The following ANKDD1A variants were observed in gnomAD, a reference collection of about 807,000 sequenced individuals.
ANKDD1A encodes the protein ankyrin repeat and death domain-containing protein 1A.
ANKDD1A carries 59 observed loss-of-function variants against 63.5 expected under a neutral mutation model. The observed-to-expected ratio is 0.93, with a 90% CI of 0.75 to 1.15. The LOEUF is 1.15. Among genes scored for constraint, ANKDD1A ranks in the 50% most tolerant of loss-of-function variants. The probability of loss-of-function intolerance (pLI) is 0.00; values close to 1 mark genes in which losing one functional copy is unlikely to be tolerated. For synonymous variants in ANKDD1A, 266 were observed against 263.9 expected, an observed-to-expected ratio of 1.01 and a Z score of -0.08; for missense variants, 632 against 656.4, an observed-to-expected ratio of 0.96 and a Z score of 0.41.
At chr15:64,940,512 A>G (rs2085174086) in intron 9 of ANKDD1A, among the ~76,000 whole-genome samples, 1 of 152,008 alleles carries the variant, frequency 6.6e-6, no homozygotes, top group African/African-American at 2.4e-5. Flanking sequence ...GGCTCACTGC[A>G]AGCTCCGCCT....
intron 9 of ANKDD1A, among the ~76,000 whole-genome samples, chr15:64,940,398 A>T (rs1041890928): frequency 1.0e-4 from 11 of 109,156 alleles, no homozygotes; most frequent in South Asian, 7.6e-4. Flanking sequence ...GATGATTGAT[A>T]GATAGATAGA....
At chr15:64,926,504 A>G (rs754985086) in intron 5 of ANKDD1A, among the ~76,000 whole-genome samples, 1 of 152,244 alleles carries the variant, frequency 6.6e-6, no homozygotes. Context: ...AGAGGGCACC[A>G]AATGGAAGAG....
intron 8 of ANKDD1A, 49 bp downstream of exon 8, chr15:64,931,634 T>C: frequency 6.3e-6 from 10 of 1,586,250 alleles, no homozygotes; most frequent in Non-Finnish European, 7.8e-6. Context: ...TGCTGAGCCA[T>C]AGCCATGTCG....
chr15:64,953,652 CCTT>C (rs144769793), intron 14 of ANKDD1A, among the ~76,000 whole-genome samples: 84 of 2,780 alleles, frequency 0.03, no homozygotes, highest in African/African-American at 0.045. Flanking sequence ...TCTTCCTTCT[CCTT>C]CTTTTCTTTC....
chr15:64,917,537 G>GTCTC (rs1567109428), intron 3 of ANKDD1A, 23 bp downstream of exon 3: 5 of 1,549,794 alleles, frequency 3.2e-6, no homozygotes, highest in Middle Eastern at 1.8e-4. Context: ...CTGTCTGTCT[G>GTCTC]TCTCAGGGTG....
rs2085426194 is a variant in ANKDD1A at position 64,957,321 on chromosome 15, A to G, written c.*133A>G. The stretch of plus-strand genomic sequence containing the variant: ...ATTATTCCTTTTTCCACCTTAAATA[A>G]TAAGAGTAGAATACTTTCTGTGTTT... On this transcript the variant is annotated 3_prime_UTR_variant, in exon 15 of 15. Transcript: ENST00000319580. 3.6e-6 allele frequency: 1 copy of G among 280,344 alleles called. No individual in the cohort carries two copies. Among genetic ancestry groups the G allele is most frequent in the South Asian group, 2.9e-5 (1 of 35,000 alleles). The allele number at this position is 280,344 out of a possible 1,614,324, so 17.4% of individuals were successfully genotyped here.
intron 1 of ANKDD1A, among the ~76,000 whole-genome samples, chr15:64,914,370 C>T (rs913616455): frequency 2.6e-5 from 4 of 152,212 alleles, no homozygotes; most frequent in African/African-American, 4.8e-5. Flanking sequence ...CATTGGCAGC[C>T]TCAAACTCCT....
Position 64,950,744 on chromosome 15 carries a change from C to T in ANKDD1A, c.1483+772C>T, listed in dbSNP as rs150763664. On this transcript the variant is annotated intron_variant, in intron 14 of 14. Coordinates refer to ENST00000319580, the MANE Select transcript of ANKDD1A (RefSeq NM_182703.6). ...AGAAAGGACCGCCCCCCCCCCCCCC[C>T]CCCCCCATAGCTGCTATAGGCAAGG... The T allele has an allele frequency of 4.0e-5, 37 of 921,560 alleles. 5 individuals are homozygous for T. Among genetic ancestry groups the T allele is most frequent in the Middle Eastern group, 5.6e-4 (1 of 1,798 alleles). The allele number at this position is 921,560 out of a possible 1,614,324, so 57.1% of individuals were successfully genotyped here.
intron 9 of ANKDD1A, among the ~76,000 whole-genome samples, chr15:64,941,267 AC>A: frequency 6.6e-6 from 1 of 152,284 alleles, no homozygotes; most frequent in Non-Finnish European, 1.5e-5. Context: ...ACTTTATTCT[AC>A]TAGGATTTTT....
At chr15:64,953,024 TCCTC>T in intron 14 of ANKDD1A, among the ~76,000 whole-genome samples, 1 of 125,514 alleles carries the variant, frequency 8.0e-6, no homozygotes, top group Non-Finnish European at 1.7e-5. Flanking sequence ...CTTGTTCTTC[TCCTC>T]CTTCTTCCTT....
At chr15:64,931,922 C>G in intron 8 of ANKDD1A, 1 of 435,190 alleles carries the variant, frequency 2.3e-6, no homozygotes, top group Non-Finnish European at 4.1e-6. Context: ...TGAGATGGGT[C>G]TTACTCTGTC....
intron 2 of ANKDD1A, among the ~76,000 whole-genome samples, chr15:64,916,465 A>G (rs934522568): frequency 6.6e-6 from 1 of 151,716 alleles, no homozygotes; most frequent in Non-Finnish European, 1.5e-5. Context: ...AGCTGAGACT[A>G]CAGGCGTGTG....
chr15:64,934,146 G>C lies in ANKDD1A; in HGVS notation c.779G>C (p.Ser260Thr). The change falls in exon 9 of 15, where the codon AGC becomes ACC. Residue 260 changes from serine to threonine, a missense_variant. Coordinates refer to ENST00000319580, the MANE Select transcript of ANKDD1A (RefSeq NM_182703.6). ...CCTGTTTCCTTCTAGAAAAACCTAA[G>C]CTGCCTTCACTATGCAGCCCTCAGT... ...TVNALTQKNL[S>T]CLHYAALSGS... 1 of 1,608,788 alleles carries C rather than the reference G, an allele frequency of 6.2e-7. No homozygotes were observed. The highest frequency in any genetic ancestry group is 8.5e-7 in the Non-Finnish European group (1 of 1,176,898).
chr15:64,950,879 G>C (rs915487674), intron 14 of ANKDD1A: 1 of 1,178,990 alleles, frequency 8.5e-7, no homozygotes, highest in African/African-American at 1.6e-5. Flanking sequence ...ACTGTGGCAT[G>C]CAATTAAAAC....
chr15:64,931,683 T>C (rs746240192), intron 8 of ANKDD1A, 98 bp downstream of exon 8: 4 of 1,318,390 alleles, frequency 3.0e-6, no homozygotes, highest in Non-Finnish European at 4.3e-6. Flanking sequence ...CCTGAGTGAA[T>C]AGAGGCTTCG....
intron 14 of ANKDD1A, chr15:64,950,815 A>T: frequency 9.5e-7 from 1 of 1,048,614 alleles, no homozygotes; most frequent in Non-Finnish European, 1.2e-6. Flanking sequence ...TAGGGACGCT[A>T]CCTTTCTTTC....
intron 6 of ANKDD1A, among the ~76,000 whole-genome samples, chr15:64,930,073 C>G (rs1025747242): frequency 1.3e-5 from 2 of 151,914 alleles, no homozygotes; most frequent in African/African-American, 4.8e-5. Flanking sequence ...GGGAGGGGGA[C>G]AACACACACC....
intron 8 of ANKDD1A, 186 bp downstream of exon 8, chr15:64,931,771 G>T: frequency 1.6e-6 from 1 of 632,786 alleles, no homozygotes; most frequent in Non-Finnish European, 2.8e-6. Context: ...TAACCTCTCT[G>T]AGCCTTGTTT....
chr15:64,926,850 A>G (rs1322638489), intron 5 of ANKDD1A, 51 bp from the exon 6 acceptor site: 7 of 1,591,832 alleles, frequency 4.4e-6, no homozygotes, highest in Non-Finnish European at 6.0e-6. Flanking sequence ...AGAGGCAGGT[A>G]TGCCCACTGA....
Sources: allele counts gnomAD v4.1 joint callset (sites outside exome capture counted in the v4.1 genomes callset), GRCh38; gene constraint gnomAD v4.1.1; transcripts MANE v1.5; gene names NCBI Gene and HGNC (gene_info 2026-07-23, HGNC 2026-07-21).